The following CHD6 variants were observed in gnomAD, a reference collection of about 807,000 sequenced individuals.
The protein encoded by CHD6 is ATP-dependent chromatin remodeler CHD6.
A neutral mutation model predicts 276.9 loss-of-function variants in CHD6; 50 were observed. The ratio of observed to expected loss-of-function variants is 0.18; its 90% CI spans 0.14 to 0.23. The LOEUF (loss-of-function observed/expected upper bound fraction) is 0.23, where lower values mean the gene tolerates loss of function less well. Ranked by LOEUF, CHD6 falls within the 10% of genes least tolerant of loss-of-function variation. The probability of loss-of-function intolerance (pLI) is 1.00; values close to 1 mark genes in which losing one functional copy is unlikely to be tolerated. For missense variants in CHD6, 2,564 were observed against 3,365.8 expected (o/e 0.76, Z 5.89); for synonymous variants, 1,173 against 1,229.3 (o/e 0.95, Z 0.96).
chr20:41,469,783 C>A (rs966265968), intron 17 of CHD6, among the ~76,000 whole-genome samples: 4 of 152,184 alleles, frequency 2.6e-5, no homozygotes, highest in Non-Finnish European at 5.9e-5. Context: ...AAGATCTCCC[C>A]ATTAAGGGGA....
At chr20:41,417,746 G>T (rs2047048841) in intron 31 of CHD6, among the ~76,000 whole-genome samples, 1 of 152,220 alleles carries the variant, frequency 6.6e-6, no homozygotes, top group African/African-American at 2.4e-5. Context: ...TCTATGAAAT[G>T]TAACACGGCA....
intron 17 of CHD6, among the ~76,000 whole-genome samples, chr20:41,463,358 T>G (rs567331908): frequency 6.6e-6 from 1 of 152,302 alleles, no homozygotes; most frequent in African/African-American, 2.4e-5. Context: ...GGGTGATACT[T>G]TGATGAGGAA....
At chr20:41,515,526 G>C (rs1267658967) in intron 3 of CHD6, among the ~76,000 whole-genome samples, 1 of 152,190 alleles carries the variant, frequency 6.6e-6, no homozygotes, top group African/African-American at 2.4e-5. Context: ...CATCCACCCT[G>C]CAAGGCCCTG....
chr20:41,504,077 CAAAAAAAAAAAAAA>C (rs1189323419), intron 5 of CHD6, among the ~76,000 whole-genome samples: 1 of 27,096 alleles, frequency 3.7e-5, no homozygotes, highest in African/African-American at 1.3e-4. Flanking sequence ...GACTCTGTCT[CAAAAAAAAAAAAAA>C]AAAAAAAAAA....
intron 17 of CHD6, chr20:41,459,218 T>C (rs1231467127): frequency 1.3e-5 from 2 of 152,102 alleles, no homozygotes; most frequent in African/African-American, 2.4e-5. Flanking sequence ...TGGCTGAAAA[T>C]GACACCAGAA....
At chr20:41,594,809 A>T (rs913187099) in intron 1 of CHD6, among the ~76,000 whole-genome samples, 4 of 152,228 alleles carry the variant, frequency 2.6e-5, no homozygotes, top group African/African-American at 9.6e-5. Context: ...CAATCGGGTC[A>T]GCTTAGACTG....
chr20:41,579,123 C>T (rs2045506894), intron 1 of CHD6, among the ~76,000 whole-genome samples: 1 of 117,966 alleles, frequency 8.5e-6, no homozygotes, highest in Non-Finnish European at 1.6e-5. Flanking sequence ...GAACGAGACT[C>T]CATCTCAAAA....
At chr20:41,609,362 GC>G (rs2045861604) in intron 1 of CHD6, among the ~76,000 whole-genome samples, 5 of 152,184 alleles carry the variant, frequency 3.3e-5, no homozygotes, top group Admixed American at 3.3e-4. Context: ...AGCCAAAGCA[GC>G]AAGTTACAAA....
intron 1 of CHD6, 33 bp from the exon 2 acceptor site, chr20:41,551,393 G>T: frequency 1.0e-6 from 1 of 982,656 alleles, no homozygotes; most frequent in Non-Finnish European, 1.6e-6. Flanking sequence ...CAAAGATTAT[G>T]ACAAAACCCA....
At chr20:41,536,564 A>G (rs911197804) in intron 2 of CHD6, among the ~76,000 whole-genome samples, 1 of 152,246 alleles carries the variant, frequency 6.6e-6, no homozygotes, top group African/African-American at 2.4e-5. Flanking sequence ...ATTCTAATTA[A>G]GAAAATCATC....
intron 16 of CHD6, among the ~76,000 whole-genome samples, chr20:41,479,713 T>C (rs936022456): frequency 1.3e-5 from 2 of 152,018 alleles, no homozygotes; most frequent in African/African-American, 4.8e-5. Context: ...ATGGAAAAAT[T>C]ACAAAAAATG....
chr20:41,418,500 C>G (rs1311541007), intron 31 of CHD6, among the ~76,000 whole-genome samples: 1 of 151,854 alleles, frequency 6.6e-6, no homozygotes, highest in Non-Finnish European at 1.5e-5. Flanking sequence ...CATGCTGAGT[C>G]CTCTAGGCCA....
intron 1 of CHD6, among the ~76,000 whole-genome samples, chr20:41,590,566 TC>T (rs1284152228): frequency 8.5e-5 from 13 of 152,160 alleles, no homozygotes; most frequent in Admixed American, 8.5e-4. Flanking sequence ...AACAGACATT[TC>T]TCAAAAGAAG....
chr20:41,417,222 G>C lies in CHD6; in HGVS notation c.6255C>G (p.Leu2085=). Residue 2085 remains leucine (L), a synonymous_variant, in exon 32 of 37, where the codon CTC becomes CTG. Transcript: ENST00000373233. ...CCTTTGGCCACTCAGAGAAGGAATA[G>C]AGAGTTTTCTCCTGTAGCAGCTGAG... is the stretch of plus-strand genomic sequence containing the variant. The part of the protein sequence containing the change: ...TIAQLLQEKT[L]YSFSEWPKDR... 3 of 1,614,042 alleles carry C rather than the reference G, an allele frequency of 1.9e-6. No homozygotes were observed. Among genetic ancestry groups the C allele is most frequent in the Non-Finnish European group, 2.5e-6 (3 of 1,179,978 alleles).
chr20:41,446,442 G>A (rs1372632864), intron 24 of CHD6, among the ~76,000 whole-genome samples: 1 of 123,350 alleles, frequency 8.1e-6, no homozygotes, highest in Non-Finnish European at 1.5e-5. Context: ...CTGAGTTTCT[G>A]TAACGTGTTT....
In CHD6 at chr20:41,403,600, A is replaced by T. The variant is rs574106197; in HGVS notation, c.*993T>A. 47 of 1,062,886 alleles carry T rather than the reference A, an allele frequency of 4.4e-5. No individual in the cohort carries two copies. In the African/African-American group the frequency reaches 6.7e-4, roughly 15 times the overall value. 65.8% of individuals were successfully genotyped at this position (1,062,886 alleles called of 1,614,324 possible). ...AGCCTCAGACACTCTTGATCAAAGG[A>T]CCTACTAGCAAGTGTCAAAGTGTTG... On this transcript the variant is annotated 3_prime_UTR_variant, in exon 37 of 37. Transcript: ENST00000373233.
At chr20:41,617,347 T>C (rs1454836917) in intron 1 of CHD6, among the ~76,000 whole-genome samples, 1 of 152,226 alleles carries the variant, frequency 6.6e-6, no homozygotes, top group East Asian at 1.9e-4. Context: ...ACAGTCACAT[T>C]AGTCATAACT....
intron 27 of CHD6, among the ~76,000 whole-genome samples, chr20:41,433,028 T>A: frequency 7.2e-6 from 1 of 139,794 alleles, no homozygotes; most frequent in African/African-American, 2.7e-5. Context: ...TGGAGGAAAA[T>A]AATCAGTGAC....
chr20:41,609,848 C>CT (rs1440635803), intron 1 of CHD6, among the ~76,000 whole-genome samples: 1 of 140,626 alleles, frequency 7.1e-6, no homozygotes. Flanking sequence ...CTTTTTTTTT[C>CT]TTTTTTCTTT....
Sources: gnomAD v4.1 joint callset for allele counts (sites outside exome capture counted in the v4.1 genomes callset) on GRCh38, gnomAD v4.1.1 for gene constraint, MANE v1.5 for transcripts, NCBI Gene and HGNC (gene_info 2026-07-23, HGNC 2026-07-21) for gene names.